The following MAGI1 variants were observed in gnomAD, a reference collection of about 807,000 sequenced individuals.
MAGI1 encodes membrane-associated guanylate kinase, WW and PDZ domain-containing protein 1.
In MAGI1, 58 loss-of-function variants were observed where a neutral mutation model predicts 139.9. That is an observed-to-expected ratio of 0.41 (90% CI 0.34 to 0.52). The LOEUF is 0.52. Among genes scored for constraint, MAGI1 ranks in the 20% least tolerant of loss-of-function variants. MAGI1 has a pLI of 0.12. For missense variants in MAGI1, 1,874 were observed against 1,901.6 expected (o/e 0.99, Z 0.27); for synonymous variants, 812 against 737.9 (o/e 1.10, Z -1.63).
intron 2 of MAGI1, among the ~76,000 whole-genome samples, chr3:65,608,865 A>G (rs1193139051): frequency 6.6e-6 from 1 of 152,246 alleles, no homozygotes. Flanking sequence ...AGAATGGGTA[A>G]GCAGATCATG....
chr3:65,561,024 A>G (rs1559672118), intron 2 of MAGI1, among the ~76,000 whole-genome samples: 1 of 152,172 alleles, frequency 6.6e-6, no homozygotes, highest in Non-Finnish European at 1.5e-5. Context: ...GAATAAATAA[A>G]AACAAGCTGT....
At chr3:65,737,398 T>G (rs576862520) in intron 1 of MAGI1, among the ~76,000 whole-genome samples, 1 of 152,334 alleles carries the variant, frequency 6.6e-6, no homozygotes, top group East Asian at 1.9e-4. Flanking sequence ...AGCCTTAAAT[T>G]TAATGAATAA....
chr3:65,895,718 C>T (rs2060018), intron 1 of MAGI1, among the ~76,000 whole-genome samples: 3,210 of 152,050 alleles, frequency 0.021, 85 homozygotes, highest in East Asian at 0.083. Flanking sequence ...TCCAAACTTA[C>T]GTCAGTTACC....
At chr3:65,600,270 G>A (rs991085902) in intron 2 of MAGI1, among the ~76,000 whole-genome samples, 1 of 152,148 alleles carries the variant, frequency 6.6e-6, no homozygotes, top group African/African-American at 2.4e-5. Context: ...GAGAAAGAAG[G>A]GAACTTTTAT....
intron 1 of MAGI1, among the ~76,000 whole-genome samples, chr3:65,929,948 C>T (rs1349865546): frequency 6.6e-6 from 1 of 152,130 alleles, no homozygotes; most frequent in Non-Finnish European, 1.5e-5. Context: ...GTTGCAGTTT[C>T]CTTTATCAGC....
intron 1 of MAGI1, among the ~76,000 whole-genome samples, chr3:65,829,632 C>A (rs1468573285): frequency 6.6e-6 from 1 of 152,126 alleles, no homozygotes; most frequent in Non-Finnish European, 1.5e-5. Context: ...TATAGCAGCC[C>A]TAATACACTA....
intron 1 of MAGI1, among the ~76,000 whole-genome samples, chr3:66,032,353 G>A (rs1453609030): frequency 6.7e-6 from 1 of 150,362 alleles, no homozygotes; most frequent in East Asian, 2.0e-4. Context: ...TGGGATTACA[G>A]GCGCCCACCA....
chr3:65,560,834 G>C (rs76473206), intron 2 of MAGI1, among the ~76,000 whole-genome samples: 22 of 152,212 alleles, frequency 1.4e-4, no homozygotes, highest in African/African-American at 5.1e-4. Flanking sequence ...GAGGAAGACT[G>C]CTCAGTGATT....
chr3:65,901,146 C>T (rs1002976046), intron 1 of MAGI1, among the ~76,000 whole-genome samples: 1 of 152,314 alleles, frequency 6.6e-6, no homozygotes, highest in Non-Finnish European at 1.5e-5. Context: ...ATTTATACTA[C>T]TTGCAACGCA....
chr3:65,795,188 A>G (rs1221339152), intron 1 of MAGI1, among the ~76,000 whole-genome samples: 1 of 152,210 alleles, frequency 6.6e-6, no homozygotes, highest in Non-Finnish European at 1.5e-5. Context: ...ACACAAAAAC[A>G]TTTGCATATT....
chr3:65,820,921 A>G (rs1382700798), intron 1 of MAGI1, among the ~76,000 whole-genome samples: 2 of 151,890 alleles, frequency 1.3e-5, no homozygotes, highest in African/African-American at 2.4e-5. Flanking sequence ...AATAATTCTA[A>G]TTTTTCTGAC....
At chr3:65,935,859 G>A (rs1303228265) in intron 1 of MAGI1, among the ~76,000 whole-genome samples, 1 of 152,192 alleles carries the variant, frequency 6.6e-6, no homozygotes, top group Non-Finnish European at 1.5e-5. Flanking sequence ...ACACCAAGGT[G>A]CCTCAGAGGA....
intron 2 of MAGI1, among the ~76,000 whole-genome samples, chr3:65,584,080 A>G (rs2081560697): frequency 1.7e-5 from 2 of 115,828 alleles, no homozygotes; most frequent in South Asian, 6.5e-4. Context: ...TCAAAAATCT[A>G]CTCTTGAAAA....
chr3:65,716,422 C>G (rs961730836), intron 1 of MAGI1, among the ~76,000 whole-genome samples: 20 of 152,148 alleles, frequency 1.3e-4, no homozygotes, highest in Non-Finnish European at 2.1e-4. Flanking sequence ...ATAGATTTAT[C>G]AGTCACTTAC....
chr3:65,781,470 G>A (rs180811466), intron 1 of MAGI1, among the ~76,000 whole-genome samples: 1 of 152,124 alleles, frequency 6.6e-6, no homozygotes, highest in South Asian at 2.1e-4. Context: ...GGATGTACAG[G>A]TTTGTTATAT....
chr3:66,005,205 T>A (rs1233294522), intron 1 of MAGI1, among the ~76,000 whole-genome samples: 1 of 152,174 alleles, frequency 6.6e-6, no homozygotes, highest in African/African-American at 2.4e-5. Context: ...CAATGTGACC[T>A]ACAGATCTTT....
intron 1 of MAGI1, among the ~76,000 whole-genome samples, chr3:65,809,121 C>A (rs1479227973): frequency 6.6e-6 from 1 of 152,152 alleles, no homozygotes; most frequent in East Asian, 1.9e-4. Context: ...TTAAGAAATG[C>A]ATTTACACTG....
intron 13 of MAGI1, among the ~76,000 whole-genome samples, chr3:65,394,760 G>C (rs1944250263): frequency 1.3e-5 from 2 of 151,872 alleles, no homozygotes; most frequent in South Asian, 2.1e-4. Flanking sequence ...GAACTGTCCA[G>C]GAGAAAAACC....
intron 1 of MAGI1, among the ~76,000 whole-genome samples, chr3:65,813,285 T>G (rs2041396742): frequency 6.6e-6 from 1 of 152,116 alleles, no homozygotes; most frequent in Admixed American, 6.5e-5. Flanking sequence ...CTGTAACAAC[T>G]GAGGCTCCTT....
Sources: allele counts gnomAD v4.1 joint callset (sites outside exome capture counted in the v4.1 genomes callset), GRCh38; gene constraint gnomAD v4.1.1; transcripts MANE v1.5; gene names NCBI Gene and HGNC (gene_info 2026-07-23, HGNC 2026-07-21).